Variants in SGCZ observed in about 807,000 individuals in gnomAD.
The protein encoded by SGCZ is zeta-sarcoglycan.
In SGCZ, 40 loss-of-function variants were observed where a neutral mutation model predicts 41.3. The ratio of observed to expected loss-of-function variants is 0.97; its 90% CI spans 0.75 to 1.26. SGCZ has a LOEUF of 1.26. Among genes scored for constraint, SGCZ ranks in the 50% most tolerant of loss-of-function variants. The pLI, the probability that SGCZ is intolerant of heterozygous loss-of-function variation, is 0.00. For missense variants in SGCZ, 552 were observed against 369.8 expected, an observed-to-expected ratio of 1.49 and a Z score of -4.04; for synonymous variants, 206 against 137.5, an observed-to-expected ratio of 1.50 and a Z score of -3.49.
At chr8:14,887,833 C>CTCCA (rs1554517688) in intron 1 of SGCZ, among the ~76,000 whole-genome samples, 1 of 152,104 alleles carries the variant, frequency 6.6e-6, no homozygotes, top group Non-Finnish European at 1.5e-5. Context: ...CCCTAATATA[C>CTCCA]TCCAGATTCA....
At chr8:15,175,446 G>C (rs1799967290) in intron 1 of SGCZ, among the ~76,000 whole-genome samples, 1 of 152,096 alleles carries the variant, frequency 6.6e-6, no homozygotes, top group Admixed American at 6.6e-5. Context: ...TAGAAAATCA[G>C]ATACTGGATG....
At chr8:14,963,267 A>G (rs1388448496) in intron 1 of SGCZ, among the ~76,000 whole-genome samples, 1 of 152,160 alleles carries the variant, frequency 6.6e-6, no homozygotes, top group Non-Finnish European at 1.5e-5. Flanking sequence ...AAATGGAATT[A>G]GATTGGTAAA....
chr8:14,373,290 T>C (rs1297659167), intron 2 of SGCZ, among the ~76,000 whole-genome samples: 1 of 152,200 alleles, frequency 6.6e-6, no homozygotes, highest in Non-Finnish European at 1.5e-5. Context: ...CGATGCATAA[T>C]TAACAGTTTC....
chr8:15,223,185 G>A (rs766620642), intron 1 of SGCZ, among the ~76,000 whole-genome samples: 1 of 152,036 alleles, frequency 6.6e-6, no homozygotes, highest in Non-Finnish European at 1.5e-5. Context: ...ACTGTCATCC[G>A]TTTCTGAAAC....
rs542379559 is a variant in SGCZ, at chr8:14,875,253, G to A, written c.40-320327C>T. ...ATGACAGAAGACACAGAAAGGTCAA[G>A]AGGGTACTTCCTTTTGTAAGGAACT... On this transcript the variant is annotated intron_variant, in intron 1 of 7. Transcript: ENST00000382080. 6.6e-5 allele frequency among the ~76,000 whole-genome samples: 10 copies of A among 152,300 alleles called. No individual in the cohort carries two copies. The East Asian group carries it at 1.9e-3, about 29-fold the overall frequency.
chr8:15,208,584 A>C (rs958375721), intron 1 of SGCZ, among the ~76,000 whole-genome samples: 6 of 152,192 alleles, frequency 3.9e-5, no homozygotes, highest in African/African-American at 1.4e-4. Context: ...TGTGAATGAT[A>C]ATTATCTCAC....
intron 1 of SGCZ, among the ~76,000 whole-genome samples, chr8:14,772,476 G>A (rs1255005328): frequency 6.7e-6 from 1 of 149,600 alleles, no homozygotes; most frequent in Non-Finnish European, 1.5e-5. Context: ...TGTGCACGAT[G>A]TGCAGGTTAG....
intron 2 of SGCZ, among the ~76,000 whole-genome samples, chr8:14,394,106 C>G (rs948101766): frequency 1.3e-4 from 20 of 150,868 alleles, no homozygotes; most frequent in Middle Eastern, 3.5e-3. Context: ...ACTGCTGTGT[C>G]CTGAACTACT....
intron 1 of SGCZ, among the ~76,000 whole-genome samples, chr8:14,969,541 T>C (rs1033586217): frequency 1.2e-4 from 18 of 152,120 alleles, no homozygotes; most frequent in African/African-American, 4.3e-4. Context: ...TCCCCAAGCT[T>C]AGCCTCCAAG....
chr8:14,266,502 G>A (rs187952235), intron 3 of SGCZ, among the ~76,000 whole-genome samples: 2 of 152,192 alleles, frequency 1.3e-5, no homozygotes, highest in African/African-American at 4.8e-5. Flanking sequence ...AGGGACCCAA[G>A]AAGAAATGCA....
At chr8:14,869,695 G>A (rs1804073410) in intron 1 of SGCZ, among the ~76,000 whole-genome samples, 1 of 152,146 alleles carries the variant, frequency 6.6e-6, no homozygotes, top group East Asian at 1.9e-4. Flanking sequence ...AAACCCCATT[G>A]TCTCAGCCCA....
chr8:14,845,218 G>A (rs1331776829), intron 1 of SGCZ, among the ~76,000 whole-genome samples: 1 of 152,124 alleles, frequency 6.6e-6, no homozygotes, highest in Non-Finnish European at 1.5e-5. Context: ...AAAAACTTAT[G>A]ACTCATGGGC....
chr8:14,432,711 C>T (rs10095706), intron 2 of SGCZ, among the ~76,000 whole-genome samples: 21,569 of 151,806 alleles, frequency 0.14, 3,559 homozygotes, highest in African/African-American at 0.41. Flanking sequence ...GTCGGGAGTT[C>T]GAGACCAGCC....
chr8:14,333,872 G>C (rs756178350), intron 2 of SGCZ, among the ~76,000 whole-genome samples: 3 of 152,070 alleles, frequency 2.0e-5, no homozygotes, highest in Non-Finnish European at 4.4e-5. Context: ...AGGTGATTAA[G>C]GAGTTATAAG....
chr8:15,210,390 C>T (rs1801197830), intron 1 of SGCZ, among the ~76,000 whole-genome samples: 3 of 152,152 alleles, frequency 2.0e-5, no homozygotes, highest in African/African-American at 7.2e-5. Flanking sequence ...TGTGATTCCT[C>T]TTCTTCAGTT....
rs11995684 is a variant in SGCZ at position 14,896,218 on chromosome 8, G to A, written c.40-341292C>T. ...ATTGTTAATTCTCTTCCTCTCATCC[G>A]GGAAAGCTGACTTTCAAGAAAGAGG... On this transcript the variant is annotated intron_variant, in intron 1 of 7. Coordinates refer to ENST00000382080, the MANE Select transcript of SGCZ (RefSeq NM_139167.4). Among the ~76,000 whole-genome samples the A allele has an allele frequency of 5.2e-3, 797 of 152,034 alleles. 8 individuals carry two copies. Among genetic ancestry groups the A allele is most frequent in the African/African-American group, 0.018 (733 of 41,468 alleles).
At chr8:14,953,111 A>G (rs1001342075) in intron 1 of SGCZ, among the ~76,000 whole-genome samples, 5 of 152,198 alleles carry the variant, frequency 3.3e-5, no homozygotes, top group Non-Finnish European at 7.3e-5. Flanking sequence ...CCGTTCTCAC[A>G]GTGCTATAAA....
chr8:14,128,516 G>C (rs887035247), intron 5 of SGCZ, among the ~76,000 whole-genome samples: 2 of 152,142 alleles, frequency 1.3e-5, no homozygotes, highest in Non-Finnish European at 2.9e-5. Flanking sequence ...ACTAAAAATA[G>C]AATTATTCTT....
At chr8:14,874,067 T>C (rs1331388970) in intron 1 of SGCZ, among the ~76,000 whole-genome samples, 2 of 152,174 alleles carry the variant, frequency 1.3e-5, no homozygotes, top group Non-Finnish European at 2.9e-5. Context: ...ACTTTGAAGA[T>C]AAAGACTGAA....
Sources: allele counts gnomAD v4.1 joint callset (sites outside exome capture counted in the v4.1 genomes callset), GRCh38; gene constraint gnomAD v4.1.1; transcripts MANE v1.5; gene names NCBI Gene and HGNC (gene_info 2026-07-23, HGNC 2026-07-21).